Variants in FNIP2 observed in about 807,000 individuals in gnomAD.
FNIP2 encodes folliculin-interacting protein 2.
In FNIP2, 32 loss-of-function variants were observed where a neutral mutation model predicts 108.7. The observed-to-expected ratio is 0.29, with a 90% CI of 0.22 to 0.40. FNIP2 has a LOEUF of 0.40. Among genes scored for constraint, FNIP2 ranks in the 10% least tolerant of loss-of-function variants. The probability of loss-of-function intolerance (pLI) is 1.00; values close to 1 mark genes in which losing one functional copy is unlikely to be tolerated. For missense variants in FNIP2, 1,202 were observed against 1,381.6 expected (o/e 0.87, Z 2.06); for synonymous variants, 480 against 496.7 (o/e 0.97, Z 0.45).
intron 1 of FNIP2, chr4:158,806,424 G>C (rs1776961317): frequency 2.3e-6 from 3 of 1,287,794 alleles, no homozygotes; most frequent in Non-Finnish European, 3.0e-6. Flanking sequence ...TCGACAACAG[G>C]TTTGAAACTT....
At chr4:158,819,554 G>C (rs753542181) in intron 1 of FNIP2, among the ~76,000 whole-genome samples, 5 of 152,212 alleles carry the variant, frequency 3.3e-5, no homozygotes, top group Non-Finnish European at 5.9e-5. Flanking sequence ...ACACAGCTGA[G>C]GCTGTATAAG....
intron 1 of FNIP2, among the ~76,000 whole-genome samples, chr4:158,789,561 G>T (rs1025626312): frequency 6.6e-6 from 1 of 152,120 alleles, no homozygotes; most frequent in Non-Finnish European, 1.5e-5. Context: ...AATAGTAAAT[G>T]TTCATTCAAA....
At chr4:158,897,070 C>T (rs1323484872) in intron 16 of FNIP2, among the ~76,000 whole-genome samples, 3 of 151,804 alleles carry the variant, frequency 2.0e-5, no homozygotes, top group South Asian at 4.2e-4. Context: ...TCAACTCCCA[C>T]GTATGAGGGA....
In FNIP2 at chr4:158,904,356, T is replaced by C. The variant is rs544122025; in HGVS notation, c.3267-110T>C. 2.1e-5 allele frequency: 19 copies of C among 925,668 alleles called. 1 individual carries two copies. The South Asian group carries it at 2.4e-4, about 12-fold the overall frequency. 57.3% of individuals were successfully genotyped at this position (925,668 alleles called of 1,614,324 possible). ...CTTTTTCATTAGTTTTAAATGATAA[T>C]CTATCAAACTTAGTACCTAGAAATA... On this transcript the variant is annotated intron_variant, in intron 16 of 16. Coordinates refer to ENST00000264433, the MANE Select transcript of FNIP2 (RefSeq NM_020840.3).
chr4:158,868,522 G>A lies in FNIP2; in HGVS notation c.1886G>A (p.Cys629Tyr). ...AGGCCAGAGCAGGGTTCTGAGGCTT[G>A]CAGCGCAGGGTGCCTGGGGCCAGCA... ...NRRPEQGSEA[C>Y]SAGCLGPASD... Residue 629 changes from cysteine (C) to tyrosine (Y), a missense_variant, in exon 13 of 17, where the codon TGC (cysteine) becomes TAC (tyrosine). Coordinates refer to ENST00000264433, the MANE Select transcript of FNIP2 (RefSeq NM_020840.3). The surrounding 1 kb of genome is among the most constrained non-coding windows in gnomAD (Gnocchi z 4.6). The A allele has an allele frequency of 6.2e-7, 1 of 1,613,958 alleles. No individual in the cohort carries two copies. Among genetic ancestry groups the A allele is most frequent in the South Asian group, 1.1e-5 (1 of 91,080 alleles).
In FNIP2 at chr4:158,907,988, G is replaced by A. The variant is rs1729986802; in HGVS notation, c.*3444G>A. 6.6e-6 allele frequency: 1 copy of A among 152,100 alleles called. No homozygotes were observed. Among genetic ancestry groups the A allele is most frequent in the South Asian group, 2.1e-4 (1 of 4,830 alleles). The allele number at this position is 152,100 out of a possible 1,614,324, so 9.4% of individuals were successfully genotyped here. On this transcript the variant is annotated 3_prime_UTR_variant, in exon 17 of 17. Transcript: ENST00000264433. ...TGGGAATTTTTTTTAACTTGTTTATGTATTATTTTGATCCATTTTTCTGTG... is the reference window on the plus strand; with the variant it reads ...TGGGAATTTTTTTTAACTTGTTTATATATTATTTTGATCCATTTTTCTGTG...
intron 1 of FNIP2, among the ~76,000 whole-genome samples, chr4:158,774,026 G>C (rs1044679208): frequency 2.6e-5 from 4 of 152,028 alleles, no homozygotes; most frequent in Non-Finnish European, 5.9e-5. Context: ...CAAAACAAAA[G>C]AAAAATGTTC....
At chr4:158,796,591 T>C (rs1173028962) in intron 1 of FNIP2, among the ~76,000 whole-genome samples, 1 of 152,190 alleles carries the variant, frequency 6.6e-6, no homozygotes, top group African/African-American at 2.4e-5. Flanking sequence ...GGCTTCATGT[T>C]GTATAAATAC....
At chr4:158,849,156 TACATAG>T (rs1779564737) in intron 7 of FNIP2, among the ~76,000 whole-genome samples, 1 of 152,248 alleles carries the variant, frequency 6.6e-6, no homozygotes, top group Admixed American at 6.5e-5. Context: ...AGCCAGCTCT[TACATAG>T]AAAGGCAAGG....
chr4:158,879,909 G>A (rs1437213511), intron 14 of FNIP2, among the ~76,000 whole-genome samples: 3 of 150,264 alleles, frequency 2.0e-5, no homozygotes, highest in Non-Finnish European at 3.0e-5. Flanking sequence ...TCTCACACCA[G>A]TTAGAATGGC....
intron 3 of FNIP2, among the ~76,000 whole-genome samples, chr4:158,831,373 A>T (rs1778473190): frequency 6.6e-6 from 1 of 152,204 alleles, no homozygotes; most frequent in Non-Finnish European, 1.5e-5. Context: ...AAAACTTCAG[A>T]GTTATCAGAC....
chr4:158,779,477 G>C (rs1775964438), intron 1 of FNIP2, among the ~76,000 whole-genome samples: 1 of 151,848 alleles, frequency 6.6e-6, no homozygotes, highest in Non-Finnish European at 1.5e-5. Flanking sequence ...GCAAATGTAT[G>C]ACCAAGAACT....
intron 1 of FNIP2, among the ~76,000 whole-genome samples, chr4:158,810,044 A>T (rs1308673761): frequency 2.0e-5 from 3 of 152,196 alleles, no homozygotes; most frequent in Non-Finnish European, 4.4e-5. Flanking sequence ...AGCAGTTGGG[A>T]TTACTGACTA....
intron 1 of FNIP2, among the ~76,000 whole-genome samples, chr4:158,811,353 T>C (rs1013894293): frequency 1.3e-5 from 2 of 152,148 alleles, no homozygotes; most frequent in Admixed American, 6.5e-5. Context: ...AAAAGGAACT[T>C]AGTTAAGCTA....
chr4:158,896,772 T>C (rs1158909682), intron 16 of FNIP2, among the ~76,000 whole-genome samples: 3 of 150,596 alleles, frequency 2.0e-5, no homozygotes, highest in South Asian at 2.1e-4. Flanking sequence ...ACATGTCTCT[T>C]TGTCGTTTTT....
In FNIP2 at chr4:158,769,137, C is replaced by T. The variant is rs1211564024; in HGVS notation, c.-76C>T. On this transcript the variant is annotated 5_prime_UTR_variant, in exon 1 of 17. Transcript: ENST00000264433. ...CGCGCCGCCGCGATGGCCCCGCCAC[C>T]GCGGCCGCCGCCCCCGGCTGCGCGC... is the stretch of plus-strand genomic sequence containing the variant. 2 of 651,820 alleles carry T rather than the reference C, an allele frequency of 3.1e-6. No individual in the cohort carries two copies. Among genetic ancestry groups the T allele is most frequent in the Non-Finnish European group, 3.8e-6 (2 of 527,210 alleles). The allele number at this position is 651,820 out of a possible 1,614,324, so 40.4% of individuals were successfully genotyped here.
Position 158,822,302 on chromosome 4 carries a change from G to A in FNIP2, c.108-3614G>A, listed in dbSNP as rs556854562. Reference sequence around the variant, plus strand: ...AGGTGATTCTACCACCTCAGCCTCCGCACTCCAGTAGCTGGGACTACAGGT... The same window carrying A: ...AGGTGATTCTACCACCTCAGCCTCCACACTCCAGTAGCTGGGACTACAGGT... On this transcript the variant is annotated intron_variant, in intron 1 of 16. Coordinates refer to ENST00000264433, the MANE Select transcript of FNIP2 (RefSeq NM_020840.3). Among the ~76,000 whole-genome samples the A allele has an allele frequency of 5.4e-5, 8 of 148,602 alleles. No homozygotes were observed. In the East Asian group the frequency reaches 1.4e-3, roughly 27 times the overall value.
intron 15 of FNIP2, 21 bp downstream of exon 15, chr4:158,891,667 C>T (rs756866397): frequency 7.6e-6 from 12 of 1,573,338 alleles, no homozygotes; most frequent in Non-Finnish European, 1.0e-5. Context: ...GTTCTTATAT[C>T]ACCAAAGAAA....
chr4:158,837,412 A>T (rs1778870305), intron 7 of FNIP2, among the ~76,000 whole-genome samples: 1 of 152,166 alleles, frequency 6.6e-6, no homozygotes, highest in Admixed American at 6.6e-5. Flanking sequence ...TTTGTTGTGG[A>T]GAAAAGATTC....
Sources: allele counts gnomAD v4.1 joint callset (sites outside exome capture counted in the v4.1 genomes callset), GRCh38; gene constraint gnomAD v4.1.1; non-coding constraint Gnocchi (gnomAD v3.1); transcripts MANE v1.5; gene names NCBI Gene and HGNC (gene_info 2026-07-23, HGNC 2026-07-21).